RBFOX3: variants seen among roughly 807,000 people sequenced by gnomAD.
RBFOX3 encodes RNA binding fox-1 homolog 3, also known as RNA binding protein fox-1 homolog 3.
A neutral mutation model predicts 48.7 loss-of-function variants in RBFOX3; 17 were observed. That is an observed-to-expected ratio of 0.35 (90% confidence interval 0.24 to 0.52). RBFOX3 has a LOEUF of 0.52. Among genes scored for constraint, RBFOX3 ranks in the 20% least tolerant of loss-of-function variants. The pLI, the probability that RBFOX3 is intolerant of heterozygous loss-of-function variation, is 0.94. For synonymous variants in RBFOX3, 212 were observed against 209.5 expected (o/e 1.01, Z -0.10); for missense variants, 382 against 497.5 (o/e 0.77, Z 2.21).
At position 79,477,940 on chromosome 17, in the gene RBFOX3, T is replaced by C. The variant is rs2078181643; in HGVS notation, c.-175+4514A>G. ...CAACGTCCTTCAGCTGGGCACCGCC[T>C]GTTCCACCCAGGAGCACCTAGGACG... On this transcript the variant is annotated intron_variant, in intron 2 of 14. Transcript: ENST00000693108. This position sits in a 1 kb window ranked among gnomAD's most constrained non-coding sequence, Gnocchi z 4.8. Among the ~76,000 whole-genome samples, 1 of 152,172 alleles carries C rather than the reference T, an allele frequency of 6.6e-6. No homozygotes were observed. Among genetic ancestry groups the C allele is most frequent in the South Asian group, 2.1e-4 (1 of 4,832 alleles).
At chr17:79,495,275 G>A (rs1312886899) in intron 1 of RBFOX3, among the ~76,000 whole-genome samples, 7 of 127,406 alleles carry the variant, frequency 5.5e-5, no homozygotes, top group Middle Eastern at 3.7e-3. Context: ...AGGGAGGGAC[G>A]GCTGGCACGG....
chr17:79,217,372 T>C (rs80298427), intron 4 of RBFOX3, among the ~76,000 whole-genome samples: 1 of 152,188 alleles, frequency 6.6e-6, no homozygotes, highest in Non-Finnish European at 1.5e-5. Flanking sequence ...GAGCTGCTGC[T>C]TCAGGGGATA....
At chr17:79,253,119 G>C (rs370892017) in intron 3 of RBFOX3, among the ~76,000 whole-genome samples, 1 of 152,132 alleles carries the variant, frequency 6.6e-6, no homozygotes, top group African/African-American at 2.4e-5. Context: ...TTCAGCCCAA[G>C]TAGATCCTGG....
At chr17:79,170,793 A>G (rs561304834) in intron 4 of RBFOX3, among the ~76,000 whole-genome samples, 3 of 152,122 alleles carry the variant, frequency 2.0e-5, no homozygotes, top group East Asian at 3.9e-4. Flanking sequence ...GTGGCTCCCT[A>G]TTGCCTACTG....
At chr17:79,564,640 G>A (rs1599169070) in intron 1 of RBFOX3, among the ~76,000 whole-genome samples, 4 of 152,128 alleles carry the variant, frequency 2.6e-5, no homozygotes, top group Admixed American at 6.5e-5. Flanking sequence ...TATTTATAAC[G>A]CAGAAAAAAA....
At chr17:79,560,793 G>A (rs1026917776) in intron 1 of RBFOX3, among the ~76,000 whole-genome samples, 2 of 152,284 alleles carry the variant, frequency 1.3e-5, no homozygotes, top group South Asian at 2.1e-4. Context: ...GGTGCTTCCC[G>A]AGCTTCAGCC....
chr17:79,638,302 TG>T, the RBFOX3 span, among the ~76,000 whole-genome samples: 36 of 96,896 alleles, frequency 3.7e-4, no homozygotes, highest in East Asian at 1.8e-3. Flanking sequence ...AAAACTGAGT[TG>T]GTTTTTTTTT....
chr17:79,530,868 G>A (rs1038545729), intron 1 of RBFOX3, among the ~76,000 whole-genome samples: 111 of 152,340 alleles, frequency 7.3e-4, no homozygotes, highest in African/African-American at 2.3e-3. Context: ...TTGCAGCAGC[G>A]GATTCTAAGT....
chr17:79,140,742 G>A (rs981028375), intron 4 of RBFOX3, among the ~76,000 whole-genome samples: 4 of 152,230 alleles, frequency 2.6e-5, no homozygotes, highest in Admixed American at 6.5e-5. Flanking sequence ...GAAAAGGCCC[G>A]GAGAAGTTCC....
At chr17:79,296,237 G>A (rs541256550) in intron 3 of RBFOX3, among the ~76,000 whole-genome samples, 63 of 151,946 alleles carry the variant, frequency 4.1e-4, no homozygotes, top group Non-Finnish European at 7.1e-4. Context: ...CCTGCCATCA[G>A]CAAAAAATTA....
intron 9 of RBFOX3, 40 bp downstream of exon 9, chr17:79,101,544 A>T: frequency 6.6e-7 from 1 of 1,523,578 alleles, no homozygotes; most frequent in Non-Finnish European, 8.9e-7. Context: ...TGTCCCAGCC[A>T]GTGACCCCAG....
At position 79,362,708 on chromosome 17, in the gene RBFOX3, T is replaced by C. The variant is rs183577054; in HGVS notation, c.-174-54884A>G. Among the ~76,000 whole-genome samples, 192 of 152,292 alleles carry C rather than the reference T, an allele frequency of 1.3e-3. 2 individuals are homozygous for C. Among genetic ancestry groups the C allele is most frequent in the African/African-American group, 4.4e-3 (181 of 41,588 alleles). On this transcript the variant is annotated intron_variant, in intron 2 of 14. Coordinates refer to ENST00000693108, the MANE Select transcript of RBFOX3 (RefSeq NM_001350451.2). This position sits in a 1 kb window ranked among gnomAD's most constrained non-coding sequence, Gnocchi z 4.2. ...ACTGGCACCTCATCTCCACTGGCTC[T>C]GAGCTGCACAGGCTCATTAGAGACC...
chr17:79,410,908 T>C (rs1358230808), intron 2 of RBFOX3, among the ~76,000 whole-genome samples: 1 of 152,164 alleles, frequency 6.6e-6, no homozygotes, highest in Non-Finnish European at 1.5e-5. Context: ...TTGCTCACTG[T>C]AGGCTGGGGA....
chr17:79,607,104 G>A (rs1363144660), intron 1 of RBFOX3, among the ~76,000 whole-genome samples: 1 of 152,124 alleles, frequency 6.6e-6, no homozygotes, highest in Admixed American at 6.6e-5. Context: ...AAGGGTGGAG[G>A]TACAAACGGG....
chr17:79,374,564 C>G (rs2085351), intron 2 of RBFOX3, among the ~76,000 whole-genome samples: 84,424 of 152,092 alleles, frequency 0.56, 25,059 homozygotes, highest in East Asian at 0.74. Context: ...TTGAACCAGA[C>G]TGATGAGAAA....
Position 79,300,318 on chromosome 17 carries a change from G to A in RBFOX3, c.-74+7406C>T, listed in dbSNP as rs8068058. On this transcript the variant is annotated intron_variant, in intron 3 of 14. Transcript: ENST00000693108. ...TACTGCAGCCCCCAGAAATTGATAC[G>A]GATCCCAAGCACTCAATATTGCCCT... Among the ~76,000 whole-genome samples the A allele has an allele frequency of 8.4e-3, 1,285 of 152,202 alleles. 19 individuals carry two copies. Among genetic ancestry groups the A allele is most frequent in the African/African-American group, 0.029 (1,194 of 41,522 alleles).
At chr17:79,134,951 G>A (rs376768663) in intron 4 of RBFOX3, 2 of 152,380 alleles carry the variant, frequency 1.3e-5, no homozygotes, top group African/African-American at 2.4e-5. Context: ...TTGAGGAGGG[G>A]GCAGAGACTT....
the RBFOX3 span, among the ~76,000 whole-genome samples, chr17:79,633,811 T>C: frequency 6.6e-6 from 1 of 152,140 alleles, no homozygotes; most frequent in African/African-American, 2.4e-5. Flanking sequence ...AGTGGGAGTT[T>C]CTAAGAGCCC....
intron 2 of RBFOX3, among the ~76,000 whole-genome samples, chr17:79,419,638 G>A (rs544942309): frequency 3.6e-4 from 55 of 152,290 alleles, no homozygotes; most frequent in Non-Finnish European, 1.3e-4. Flanking sequence ...ACCTCTAAAC[G>A]GGAGAAGTGA....
Sources: gnomAD v4.1 joint callset for allele counts (sites outside exome capture counted in the v4.1 genomes callset) on GRCh38, gnomAD v4.1.1 for gene constraint, Gnocchi (gnomAD v3.1) non-coding constraint, MANE v1.5 for transcripts, NCBI Gene and HGNC (gene_info 2026-07-23, HGNC 2026-07-21) for gene names.